Variants in MRPS6 observed in about 807,000 individuals in gnomAD.
MRPS6 encodes the protein mitochondrial ribosomal protein S6.
MRPS6 carries 6 observed loss-of-function variants against 13.1 expected under a neutral mutation model. The observed-to-expected ratio is 0.46, with a 90% CI of 0.25 to 0.91. The LOEUF (loss-of-function observed/expected upper bound fraction) is 0.91. Ranked by LOEUF, MRPS6 falls within the 40% of genes least tolerant of loss-of-function variation. MRPS6 has a pLI of 0.18. For missense variants in MRPS6, 164 were observed against 155.6 expected, an observed-to-expected ratio of 1.05 and a Z score of -0.29; for synonymous variants, 61 against 56.5, an observed-to-expected ratio of 1.08 and a Z score of -0.36.
chr21:34,118,669 C>G (rs1194930919), intron 1 of MRPS6, among the ~76,000 whole-genome samples: 12 of 151,680 alleles, frequency 7.9e-5, no homozygotes, highest in Non-Finnish European at 1.8e-4. Context: ...CATACACCAC[C>G]ACGCCTGGCT....
At chr21:34,087,674 T>G (rs538578114) in intron 1 of MRPS6, among the ~76,000 whole-genome samples, 190 of 152,210 alleles carry the variant, frequency 1.2e-3, no homozygotes, top group Non-Finnish European at 2.4e-3. Context: ...AAGTGTTGCC[T>G]GCATAGGAAA....
At chr21:34,074,988 A>G (rs904132524) in intron 1 of MRPS6, among the ~76,000 whole-genome samples, 19 of 152,168 alleles carry the variant, frequency 1.2e-4, no homozygotes, top group African/African-American at 4.1e-4. Context: ...CTTGTTCTTC[A>G]TGGATTTGGA....
intron 1 of MRPS6, among the ~76,000 whole-genome samples, chr21:34,111,311 A>G (rs9974633): frequency 0.024 from 3,677 of 152,286 alleles, 158 homozygotes; most frequent in African/African-American, 0.082. Context: ...TAAGAAATAG[A>G]ACATTACCAG....
rs1980948758 is a variant in MRPS6 at position 34,142,757 on chromosome 21, T to C, written c.*157T>C. 3 of 822,120 alleles carry C rather than the reference T, an allele frequency of 3.6e-6. No homozygotes were observed. In the East Asian group the frequency reaches 9.1e-5, roughly 25 times the overall value. 50.9% of individuals were successfully genotyped at this position (822,120 alleles called of 1,614,324 possible). A position where few individuals can be genotyped will look rare whatever the true frequency, so the allele number is the denominator to read the frequency against. On this transcript the variant is annotated 3_prime_UTR_variant, in exon 3 of 3. Transcript: ENST00000399312. ...TTTTTAGCCCTTGATCCCCTTTGCTTGCGAGAGGTGGGGAACTGCTCACTG... is the reference window on the plus strand; with the variant it reads ...TTTTTAGCCCTTGATCCCCTTTGCTCGCGAGAGGTGGGGAACTGCTCACTG...
At chr21:34,088,953 C>T (rs1274194472) in intron 1 of MRPS6, among the ~76,000 whole-genome samples, 1 of 151,782 alleles carries the variant, frequency 6.6e-6, no homozygotes, top group African/African-American at 2.4e-5. Context: ...AGTGTTGAGC[C>T]TCTTGAATTC....
intron 1 of MRPS6, chr21:34,097,770 C>T: frequency 1.0e-6 from 1 of 1,001,596 alleles, no homozygotes; most frequent in Non-Finnish European, 1.2e-6. Context: ...GTAATCCCTC[C>T]TACCATTAAG....
chr21:34,091,700 A>G (rs562573287), intron 1 of MRPS6, among the ~76,000 whole-genome samples: 5 of 152,326 alleles, frequency 3.3e-5, no homozygotes, highest in African/African-American at 1.2e-4. Flanking sequence ...AAACAATAAA[A>G]TACTACTTTC....
intron 1 of MRPS6, chr21:34,103,433 A>T: frequency 1.0e-6 from 1 of 998,120 alleles, no homozygotes. Context: ...TTTCTTTTAT[A>T]TCCATTAAAA....
chr21:34,095,225 C>T, intron 1 of MRPS6: 1 of 1,612,682 alleles, frequency 6.2e-7, no homozygotes, highest in Non-Finnish European at 8.5e-7. Context: ...ACACAGCAGA[C>T]ATTGCCATAG....
At chr21:34,076,046 CT>C (rs1193935652) in intron 1 of MRPS6, among the ~76,000 whole-genome samples, 2 of 152,202 alleles carry the variant, frequency 1.3e-5, no homozygotes, top group Admixed American at 1.3e-4. Context: ...GTGTATACCT[CT>C]TTACCCCTTT....
At chr21:34,141,277 G>A (rs1184531940) in intron 2 of MRPS6, among the ~76,000 whole-genome samples, 2 of 152,190 alleles carry the variant, frequency 1.3e-5, no homozygotes, top group East Asian at 3.8e-4. Flanking sequence ...TGCATACTGT[G>A]CCAGTGGTGA....
chr21:34,140,060 C>T (rs1480517562), intron 2 of MRPS6, among the ~76,000 whole-genome samples: 1 of 151,974 alleles, frequency 6.6e-6, no homozygotes, highest in Non-Finnish European at 1.5e-5. Context: ...ATCAATTTTA[C>T]GAATCTTCTC....
At chr21:34,137,914 A>T (rs1448933688) in intron 2 of MRPS6, among the ~76,000 whole-genome samples, 2 of 151,870 alleles carry the variant, frequency 1.3e-5, no homozygotes, top group Admixed American at 1.3e-4. Flanking sequence ...TTTTTTTCAA[A>T]TGTTAAGCCA....
chr21:34,120,464 C>T (rs1299786535), intron 1 of MRPS6, among the ~76,000 whole-genome samples: 5 of 152,186 alleles, frequency 3.3e-5, no homozygotes, highest in African/African-American at 1.2e-4. Context: ...TAAAACAAAT[C>T]TACCTTTTGC....
intron 1 of MRPS6, chr21:34,095,729 C>T (rs766375586): frequency 1.9e-6 from 3 of 1,574,046 alleles, no homozygotes; most frequent in Non-Finnish European, 1.7e-6. Context: ...TCACCGGAGG[C>T]CTTGTTGCAG....
chr21:34,138,744 G>A (rs1028592467), intron 2 of MRPS6, among the ~76,000 whole-genome samples: 1 of 152,170 alleles, frequency 6.6e-6, no homozygotes. Flanking sequence ...TGGTTGGACT[G>A]TAAACTAGTT....
chr21:34,136,894 T>C (rs1038661560), intron 2 of MRPS6, among the ~76,000 whole-genome samples: 6 of 152,240 alleles, frequency 3.9e-5, no homozygotes, highest in Non-Finnish European at 7.3e-5. Flanking sequence ...TTTAAATCTG[T>C]CCCATTTTGA....
At chr21:34,136,269 T>C (rs1195637554) in intron 2 of MRPS6, among the ~76,000 whole-genome samples, 1 of 152,178 alleles carries the variant, frequency 6.6e-6, no homozygotes, top group Non-Finnish European at 1.5e-5. Context: ...TGCTTCAGCC[T>C]CCCAAGTAGC....
At chr21:34,105,932 A>G (rs1030792914) in intron 1 of MRPS6, 17 of 991,564 alleles carry the variant, frequency 1.7e-5, no homozygotes, top group Admixed American at 1.2e-4. Context: ...ATTGTGTACA[A>G]TCTGATTTTT....
Sources: allele counts gnomAD v4.1 joint callset (sites outside exome capture counted in the v4.1 genomes callset), GRCh38; gene constraint gnomAD v4.1.1; transcripts MANE v1.5; gene names NCBI Gene and HGNC (gene_info 2026-07-23, HGNC 2026-07-21).